WIF1: variants seen among roughly 807,000 people sequenced by gnomAD.
WIF1 encodes the protein Wnt inhibitory factor 1.
In WIF1, 35 loss-of-function variants were observed where a neutral mutation model predicts 53.5. The ratio of observed to expected loss-of-function variants is 0.65; its 90% CI spans 0.50 to 0.87. The LOEUF (loss-of-function observed/expected upper bound fraction) is 0.87, where lower values mean the gene tolerates loss of function less well. Ranked by LOEUF, WIF1 falls within the 40% of genes least tolerant of loss-of-function variation. WIF1 has a pLI of 0.00. For missense variants in WIF1, 467 were observed against 476.8 expected (o/e 0.98, Z 0.19); for synonymous variants, 171 against 170.4 (o/e 1.00, Z -0.03).
chr12:65,079,867 T>G (rs2136623004), intron 2 of WIF1, among the ~76,000 whole-genome samples: 1 of 152,250 alleles, frequency 6.6e-6, no homozygotes, highest in East Asian at 1.9e-4. Flanking sequence ...ATTAATTCAA[T>G]GTAATTAATT....
chr12:65,062,561 G>GT lies in WIF1; in HGVS notation c.745dup (p.Thr249AsnfsTer4). 1 of 1,607,284 alleles carries GT rather than the reference G, an allele frequency of 6.2e-7. No individual in the cohort carries two copies. The highest frequency in any genetic ancestry group is 8.5e-7 in the Non-Finnish European group (1 of 1,176,198). ...GAAACAGGTCCCTCCATTAAAGCAG[G>GT]TGGTTGAGCAGTTTGCTGTTAGAAT... On this transcript the variant is annotated frameshift_variant, in exon 7 of 10. Transcript: ENST00000286574. LOFTEE classifies it high-confidence loss of function.
chr12:65,052,943 G>A (rs890581626), intron 9 of WIF1, among the ~76,000 whole-genome samples: 1 of 152,202 alleles, frequency 6.6e-6, no homozygotes, highest in African/African-American at 2.4e-5. Context: ...GGATCTGGAT[G>A]TGAGTCTTAG....
At chr12:65,095,282 A>G (rs529653801) in intron 2 of WIF1, among the ~76,000 whole-genome samples, 1 of 152,116 alleles carries the variant, frequency 6.6e-6, no homozygotes, top group East Asian at 1.9e-4. Context: ...AAAGTTGCCA[A>G]AGCCACTTCT....
intron 2 of WIF1, among the ~76,000 whole-genome samples, chr12:65,094,133 C>T (rs1027500164): frequency 5.9e-5 from 9 of 152,148 alleles, no homozygotes; most frequent in African/African-American, 2.2e-4. Flanking sequence ...CAGCTACTGT[C>T]AGCCTTGAAC....
At chr12:65,092,480 G>A (rs182920092) in intron 2 of WIF1, among the ~76,000 whole-genome samples, 285 of 105,588 alleles carry the variant, frequency 2.7e-3, no homozygotes, top group African/African-American at 9.0e-3. Flanking sequence ...GTGTGTGTGT[G>A]TATATATATG....
chr12:65,075,016 G>T (rs1882840598), intron 3 of WIF1, among the ~76,000 whole-genome samples: 1 of 151,946 alleles, frequency 6.6e-6, no homozygotes, highest in African/African-American at 2.4e-5. Flanking sequence ...CTCTAGAATA[G>T]ATACTCACGT....
intron 9 of WIF1, among the ~76,000 whole-genome samples, chr12:65,053,512 T>G (rs1181686089): frequency 2.6e-5 from 4 of 152,170 alleles, no homozygotes; most frequent in African/African-American, 9.7e-5. Flanking sequence ...CCTTCTATGG[T>G]CATTCTCTCT....
At chr12:65,101,637 T>C (rs949507160) in intron 2 of WIF1, among the ~76,000 whole-genome samples, 2 of 152,236 alleles carry the variant, frequency 1.3e-5, no homozygotes, top group East Asian at 1.9e-4. Context: ...GTGATTTAAA[T>C]TCAAATGCAA....
intron 3 of WIF1, among the ~76,000 whole-genome samples, chr12:65,075,357 G>A (rs371847359): frequency 2.6e-5 from 4 of 152,158 alleles, no homozygotes; most frequent in East Asian, 1.9e-4. Flanking sequence ...AATTAGCTCC[G>A]AAGGGGATTT....
At chr12:65,063,395 A>G (rs1352499412) in intron 6 of WIF1, among the ~76,000 whole-genome samples, 4 of 152,196 alleles carry the variant, frequency 2.6e-5, no homozygotes, top group Admixed American at 1.3e-4. Flanking sequence ...TCATTCTATA[A>G]AGGAAATTAA....
At chr12:65,094,928 A>G (rs1883180480) in intron 2 of WIF1, among the ~76,000 whole-genome samples, 1 of 145,668 alleles carries the variant, frequency 6.9e-6, no homozygotes, top group Non-Finnish European at 1.5e-5. Flanking sequence ...TTATTTATTT[A>G]TTTATTTATT....
At chr12:65,056,225 G>A in intron 7 of WIF1, 99 bp from the exon 8 acceptor site, 1 of 1,073,498 alleles carries the variant, frequency 9.3e-7, no homozygotes, top group Non-Finnish European at 1.3e-6. Context: ...GAGGATAAGT[G>A]CTTTTAAATG....
rs147173700 is a variant in WIF1 at position 65,094,966 on chromosome 12, T to C, written c.289-17112A>G. 8.5e-3 allele frequency among the ~76,000 whole-genome samples: 1,291 copies of C among 151,448 alleles called. 18 individuals carry two copies. The highest frequency in any genetic ancestry group is 0.03 in the African/African-American group (1,235 of 41,264). ...TTTATTTATTTTGACAAGGTCTCTC[T>C]CTGTCACCCGGGCTAAAGTGCAGTG... is the stretch of plus-strand genomic sequence containing the variant. On this transcript the variant is annotated intron_variant, in intron 2 of 9. Coordinates refer to ENST00000286574, the MANE Select transcript of WIF1 (RefSeq NM_007191.5).
At chr12:65,059,612 C>T (rs956931245) in intron 7 of WIF1, among the ~76,000 whole-genome samples, 1 of 151,932 alleles carries the variant, frequency 6.6e-6, no homozygotes, top group Non-Finnish European at 1.5e-5. Context: ...GCATATCTCA[C>T]AATCAACTCG....
chr12:65,114,652 A>G (rs1883482197), intron 2 of WIF1, among the ~76,000 whole-genome samples: 1 of 152,162 alleles, frequency 6.6e-6, no homozygotes, highest in Non-Finnish European at 1.5e-5. Flanking sequence ...CATGTTGGAA[A>G]ATGTTTCACT....
chr12:65,114,423 C>G (rs1177900591), intron 2 of WIF1, among the ~76,000 whole-genome samples: 1 of 152,084 alleles, frequency 6.6e-6, no homozygotes, highest in African/African-American at 2.4e-5. Context: ...TCCCTTTTTT[C>G]CAGTGGTACT....
At chr12:65,113,492 C>T (rs60331698) in intron 2 of WIF1, among the ~76,000 whole-genome samples, 24,397 of 151,980 alleles carry the variant, frequency 0.16, 2,680 homozygotes, top group African/African-American at 0.31. Context: ...TTTATACCAC[C>T]GTGAAAGGAA....
At chr12:65,094,540 T>C (rs569264510) in intron 2 of WIF1, among the ~76,000 whole-genome samples, 114 of 152,162 alleles carry the variant, frequency 7.5e-4, no homozygotes, top group African/African-American at 2.6e-3. Context: ...TTGCCTTCGC[T>C]TTGGGAGGAA....
chr12:65,056,268 T>A, intron 7 of WIF1, 142 bp from the exon 8 acceptor site: 1 of 279,632 alleles, frequency 3.6e-6, no homozygotes, highest in Non-Finnish European at 5.9e-6. Context: ...CTACTCTGGC[T>A]TTTTTTTTTT....
Sources: allele counts gnomAD v4.1 joint callset (sites outside exome capture counted in the v4.1 genomes callset), GRCh38; gene constraint gnomAD v4.1.1; transcripts MANE v1.5; gene names NCBI Gene and HGNC (gene_info 2026-07-23, HGNC 2026-07-21).